Variants in MYT1 observed in about 807,000 individuals in gnomAD.
MYT1 encodes the protein myelin transcription factor 1.
Under a neutral mutation model 123.0 loss-of-function variants are expected in MYT1, and 23 were observed. That is an observed-to-expected ratio of 0.19 (90% CI 0.13 to 0.26). The LOEUF (loss-of-function observed/expected upper bound fraction) is 0.26, where lower values mean the gene tolerates loss of function less well. Ranked by LOEUF, MYT1 falls within the 10% of genes least tolerant of loss-of-function variation. MYT1 has a pLI of 1.00. For missense variants in MYT1, 1,125 were observed against 1,472.5 expected (o/e 0.76, Z 3.86); for synonymous variants, 518 against 575.3 (o/e 0.90, Z 1.43).
rs775705480 is a variant in MYT1, at chr20:64,217,223, C to A, written c.1788C>A (p.Gly596=). The A allele has an allele frequency of 3.1e-6, 5 of 1,614,270 alleles. No homozygotes were observed. The highest frequency in any genetic ancestry group is 4.2e-6 in the Non-Finnish European group (5 of 1,180,046). The change falls in exon 11 of 23, where the codon GGC becomes GGA. Residue 596 remains glycine, a synonymous_variant. Coordinates refer to ENST00000328439, the MANE Select transcript of MYT1 (RefSeq NM_004535.3). Reference sequence around the variant, plus strand: ...CAAGTTTCGATGCTCAGGTTTTTGGCAAACGCATGCTTGCCCCAAAGATTC... The same window carrying A: ...CAAGTTTCGATGCTCAGGTTTTTGGAAAACGCATGCTTGCCCCAAAGATTC... ...DYASFDAQVF[G]KRMLAPKIQT...
rs2145700492 is a variant in MYT1, at chr20:64,186,720, C to T, written c.-98-3343C>T. 6.6e-6 allele frequency among the ~76,000 whole-genome samples: 1 copy of T among 152,398 alleles called. No homozygotes were observed. The highest frequency in any genetic ancestry group is 2.1e-4 in the South Asian group (1 of 4,834). ...AGCAGCATGACTTCTGGAAGGGCGT[C>T]TTTATGGAACACCTCCACGTTTCCG... On this transcript the variant is annotated intron_variant, in intron 1 of 22. Transcript: ENST00000328439. The surrounding 1 kb of genome is among the most constrained non-coding windows in gnomAD (Gnocchi z 4.3).
At chr20:64,173,241 T>C (rs915034276) in intron 1 of MYT1, among the ~76,000 whole-genome samples, 1 of 152,152 alleles carries the variant, frequency 6.6e-6, no homozygotes, top group South Asian at 2.1e-4. Context: ...CCTGGCCAAT[T>C]TCCCTCCCCT....
intron 1 of MYT1, among the ~76,000 whole-genome samples, chr20:64,183,025 C>T (rs567505337): frequency 6.6e-5 from 10 of 152,304 alleles, no homozygotes; most frequent in Non-Finnish European, 5.9e-5. Context: ...ACCCCATGCC[C>T]GTTCACAGTC....
intron 6 of MYT1, 40 bp from the exon 7 acceptor site, chr20:64,207,554 C>T (rs773853119): frequency 1.3e-5 from 20 of 1,585,194 alleles, no homozygotes; most frequent in Admixed American, 3.4e-5. Context: ...AGTCTTCCCA[C>T]GTGCTCTCTG....
rs557710392 is a variant in MYT1, at chr20:64,186,962, C to T, written c.-98-3101C>T. Among the ~76,000 whole-genome samples the T allele has an allele frequency of 7.7e-5, 11 of 143,066 alleles. No individual in the cohort carries two copies. The highest frequency in any genetic ancestry group is 4.3e-4 in the East Asian group (2 of 4,672). 93.9% of individuals were successfully genotyped at this position (143,066 alleles called of 152,430 possible). A position where few individuals can be genotyped will look rare whatever the true frequency, so the allele number is the denominator to read the frequency against. On this transcript the variant is annotated intron_variant, in intron 1 of 22. Transcript: ENST00000328439. This position sits in a 1 kb window ranked among gnomAD's most constrained non-coding sequence, Gnocchi z 4.3. ...CTGTAGCACGTGGCTCCGGCATCCA[C>T]GTTTCCGTGGAGAGTTTTCCTGTAG...
Position 64,208,191 on chromosome 20 carries a change from A to T in MYT1, c.995A>T (p.Glu332Val). 1 of 1,613,856 alleles carries T rather than the reference A, an allele frequency of 6.2e-7. No homozygotes were observed. Residue 332 changes from glutamate (E) to valine (V), a missense_variant, in exon 7 of 23, where the codon GAA becomes GTA. Glu to Val is a moderately radical substitution (Grantham distance 121). Around this residue, in one of 4 missense-constraint regions of MYT1, gnomAD observed 406 missense variants for 432.2 expected, o/e 0.94. Coordinates refer to ENST00000328439, the MANE Select transcript of MYT1 (RefSeq NM_004535.3). The surrounding 1 kb of genome is among the most constrained non-coding windows in gnomAD (Gnocchi z 5.4). Reference protein sequence around the residue: ...AQKAPELRGPESPSPKPEYSV... With the variant: ...AQKAPELRGPVSPSPKPEYSV... ...AAGGCCCCTGAGCTCCGGGGCCCAG[A>T]ATCACCCAGTCCCAAGCCTGAGTAC...
In MYT1 at chr20:64,232,290, C is replaced by T. The variant is rs755163359; in HGVS notation, c.2802C>T (p.Phe934=). The T allele has an allele frequency of 1.9e-6, 3 of 1,613,108 alleles. No homozygotes were observed. The East Asian group carries it at 6.7e-5, about 36-fold the overall frequency. The part of the protein sequence containing the change: ...QKEGSLNGSS[F]SWKSLKNEGP... The stretch of plus-strand genomic sequence containing the variant: ...AAGGGTCCCTCAATGGCTCGTCATT[C>T]TCCTGGAAGTCCCTGAAGAATGAAG... The change falls in exon 19 of 23, where the codon TTC becomes TTT. Residue 934 remains phenylalanine, a synonymous_variant. Coordinates refer to ENST00000328439, the MANE Select transcript of MYT1 (RefSeq NM_004535.3). This position sits in a 1 kb window ranked among gnomAD's most constrained non-coding sequence, Gnocchi z 6.9.
At chr20:64,230,315 C>A (rs1984281250) in intron 18 of MYT1, among the ~76,000 whole-genome samples, 1 of 152,018 alleles carries the variant, frequency 6.6e-6, no homozygotes, top group Non-Finnish European at 1.5e-5. Flanking sequence ...GAGTTCGAGA[C>A]CAGCCCGGCC....
intron 1 of MYT1, among the ~76,000 whole-genome samples, chr20:64,170,917 A>G (rs1217704518): frequency 2.2e-5 from 3 of 135,674 alleles, no homozygotes; most frequent in Admixed American, 7.4e-5. Context: ...AGAGAGAGAG[A>G]GAGAGAGAGA....
At chr20:64,204,558 G>A (rs1983423366) in intron 4 of MYT1, among the ~76,000 whole-genome samples, 2 of 152,182 alleles carry the variant, frequency 1.3e-5, no homozygotes, top group Non-Finnish European at 2.9e-5. Context: ...TCCTGGCTCC[G>A]TTTGCTGGGG....
rs371190574 is a variant in MYT1, at chr20:64,213,679, C to A, written c.1631+32C>A. 9 of 1,580,852 alleles carry A rather than the reference C, an allele frequency of 5.7e-6. No homozygotes were observed. The highest frequency in any genetic ancestry group is 7.8e-6 in the Non-Finnish European group (9 of 1,151,380). On this transcript the variant is annotated intron_variant, in intron 10 of 22. Coordinates refer to ENST00000328439, the MANE Select transcript of MYT1 (RefSeq NM_004535.3). The surrounding 1 kb of genome is among the most constrained non-coding windows in gnomAD (Gnocchi z 5.6). ...GAGATGAGCCACAGAACTGAAGAGG[C>A]TGCCTCCCAAATGCCTGCAGAGGGC...
chr20:64,226,667 A>G (rs534003425), intron 16 of MYT1, among the ~76,000 whole-genome samples: 1 of 152,390 alleles, frequency 6.6e-6, no homozygotes, highest in South Asian at 2.1e-4. Flanking sequence ...CTCAGTGGAC[A>G]TTCGGAAGAA....
intron 6 of MYT1, 59 bp downstream of exon 6, chr20:64,205,859 G>T (rs1983477508): frequency 1.3e-6 from 2 of 1,586,756 alleles, no homozygotes; most frequent in South Asian, 1.2e-5. Context: ...CTGGAGAATT[G>T]CAGCCTGTGA....
chr20:64,178,132 C>T (rs557374493), intron 1 of MYT1, among the ~76,000 whole-genome samples: 5 of 152,352 alleles, frequency 3.3e-5, no homozygotes, highest in African/African-American at 1.2e-4. Context: ...CCACTGGTTA[C>T]TTAAATCACA....
intron 4 of MYT1, among the ~76,000 whole-genome samples, chr20:64,201,142 CT>C (rs1160720590): frequency 6.6e-6 from 1 of 152,168 alleles, no homozygotes; most frequent in African/African-American, 2.4e-5. Flanking sequence ...AAACTCCAGG[CT>C]TTTTTGGTAA....
At position 64,185,880 on chromosome 20, in the gene MYT1, C is replaced by T. The variant is rs1039682350; in HGVS notation, c.-98-4183C>T. On this transcript the variant is annotated intron_variant, in intron 1 of 22. Coordinates refer to ENST00000328439, the MANE Select transcript of MYT1 (RefSeq NM_004535.3). The surrounding 1 kb of genome is among the most constrained non-coding windows in gnomAD (Gnocchi z 4.5). ...AGGAAACCTTGGGGTAGGCCAGCAG[C>T]ACTTCCTGGGAAGAGCCCAGCAGAG... Among the ~76,000 whole-genome samples the T allele has an allele frequency of 1.1e-4, 17 of 152,202 alleles. No homozygotes were observed. Among genetic ancestry groups the T allele is most frequent in the Non-Finnish European group, 2.4e-4 (16 of 68,016 alleles).
chr20:64,238,243 G>A (rs1350882172), intron 21 of MYT1, among the ~76,000 whole-genome samples: 2 of 152,248 alleles, frequency 1.3e-5, no homozygotes, highest in African/African-American at 4.8e-5. Flanking sequence ...AAAGGGACAA[G>A]GAAGTGACCA....
chr20:64,201,933 G>A (rs993405667), intron 4 of MYT1, among the ~76,000 whole-genome samples: 10 of 139,580 alleles, frequency 7.2e-5, no homozygotes, highest in Non-Finnish European at 1.6e-4. Context: ...GGGAACCCCC[G>A]CGTGTCGGGA....
At chr20:64,204,940 T>G (rs1226276356) in intron 4 of MYT1, 95 bp from the exon 5 acceptor site, 1 of 1,285,006 alleles carries the variant, frequency 7.8e-7, no homozygotes, top group Middle Eastern at 1.9e-4. Flanking sequence ...GTGAATCGTC[T>G]GGAGACATTC....
Sources: allele counts gnomAD v4.1 joint callset (sites outside exome capture counted in the v4.1 genomes callset), GRCh38; gene constraint gnomAD v4.1.1; regional missense constraint gnomAD v4.1.1; non-coding constraint Gnocchi (gnomAD v3.1); transcripts MANE v1.5; gene names NCBI Gene and HGNC (gene_info 2026-07-23, HGNC 2026-07-21).